The following PCNX1 variants were observed in gnomAD, a reference collection of about 807,000 sequenced individuals.
PCNX1 encodes pecanex 1.
Under a neutral mutation model 242.2 loss-of-function variants are expected in PCNX1, and 78 were observed. The observed-to-expected ratio is 0.32, with a 90% CI of 0.27 to 0.39. PCNX1 has a LOEUF of 0.39. Ranked by LOEUF, PCNX1 falls within the 10% of genes least tolerant of loss-of-function variation. PCNX1 has a pLI of 1.00. For synonymous variants in PCNX1, 1,024 were observed against 1,032.9 expected, an observed-to-expected ratio of 0.99 and a Z score of 0.17; for missense variants, 2,581 against 2,856.5, an observed-to-expected ratio of 0.90 and a Z score of 2.20.
intron 16 of PCNX1, 95 bp from the exon 17 acceptor site, chr14:71,033,334 G>C: frequency 1.6e-6 from 1 of 613,194 alleles, no homozygotes; most frequent in Non-Finnish European, 2.8e-6. Flanking sequence ...TTGAATTTAA[G>C]TTCGTTGTCT....
At chr14:70,919,636 A>G (rs1350713398) in intron 1 of PCNX1, among the ~76,000 whole-genome samples, 1 of 146,268 alleles carries the variant, frequency 6.8e-6, no homozygotes, top group Non-Finnish European at 1.5e-5. Flanking sequence ...TACTAAATCC[A>G]TATAGATGAA....
intron 32 of PCNX1, among the ~76,000 whole-genome samples, chr14:71,104,505 C>T (rs1039569493): frequency 4.6e-5 from 7 of 152,110 alleles, no homozygotes; most frequent in Admixed American, 4.6e-4. Context: ...AGTCACTCTC[C>T]ATTTTTTAAA....
intron 24 of PCNX1, among the ~76,000 whole-genome samples, chr14:71,052,580 T>G (rs2061068594): frequency 8.9e-6 from 1 of 111,806 alleles, no homozygotes; most frequent in Non-Finnish European, 1.8e-5. Context: ...TTATATTTTT[T>G]CTTTCAGTAA....
In PCNX1 at chr14:71,073,606, A is replaced by G. The variant is rs763547849; in HGVS notation, c.4914A>G (p.Gly1638=). 6 of 1,613,778 alleles carry G rather than the reference A, an allele frequency of 3.7e-6. No homozygotes were observed. The South Asian group carries it at 5.5e-5, about 15-fold the overall frequency. ...CTGAAGGTGTAGAGGAAGATGAAGG[A>G]TTTTGCTGTTGTGAACCTGGCCATA... The part of the protein sequence containing the change: ...AITEGVEEDE[G]FCCCEPGHIP... The change falls in exon 27 of 36, where the codon GGA becomes GGG. Residue 1638 remains glycine (G), a synonymous_variant. Coordinates refer to ENST00000304743, the MANE Select transcript of PCNX1 (RefSeq NM_014982.3).
At chr14:70,935,157 T>A (rs2056951169) in intron 1 of PCNX1, among the ~76,000 whole-genome samples, 6 of 152,176 alleles carry the variant, frequency 3.9e-5, no homozygotes, top group Admixed American at 3.9e-4. Flanking sequence ...GAATAGAAAA[T>A]ACAAGTATCG....
chr14:70,992,508 C>T (rs1017967495), intron 7 of PCNX1, among the ~76,000 whole-genome samples: 3 of 151,994 alleles, frequency 2.0e-5, no homozygotes, highest in Non-Finnish European at 4.4e-5. Flanking sequence ...TAATCATACT[C>T]TTAGACTTTA....
intron 33 of PCNX1, among the ~76,000 whole-genome samples, chr14:71,106,684 C>A (rs1399299895): frequency 6.6e-6 from 1 of 151,748 alleles, no homozygotes; most frequent in Non-Finnish European, 1.5e-5. Flanking sequence ...TAATTTTATT[C>A]TTTTAATTTG....
intron 27 of PCNX1, 59 bp from the exon 28 acceptor site, chr14:71,076,130 G>C: frequency 1.0e-6 from 1 of 998,942 alleles, no homozygotes; most frequent in East Asian, 2.4e-5. Context: ...TGAGTAATCT[G>C]AGTTAATTGA....
chr14:70,990,201 T>TG (rs140769746), intron 7 of PCNX1, among the ~76,000 whole-genome samples: 4,153 of 152,260 alleles, frequency 0.027, 81 homozygotes, highest in Non-Finnish European at 0.044. Context: ...TGTGCTGTGA[T>TG]TCTGGGGGCT....
chr14:70,963,037 A>C (rs528428495), intron 3 of PCNX1, among the ~76,000 whole-genome samples: 1 of 152,286 alleles, frequency 6.6e-6, no homozygotes, highest in South Asian at 2.1e-4. Flanking sequence ...CAGTCTTTTC[A>C]TTATATAGAA....
chr14:71,019,173 C>T lies in PCNX1; in HGVS notation c.3150+11C>T, dbSNP rs2060032053. On this transcript the variant is annotated intron_variant, in intron 12 of 35. Transcript: ENST00000304743. ...TACTCACTGCTTAAGGTACCAGCAT[C>T]TCTTCTTTTCATGCTACGGAATTAT... 2 of 1,587,880 alleles carry T rather than the reference C, an allele frequency of 1.3e-6. No individual in the cohort carries two copies. The highest frequency in any genetic ancestry group is 1.4e-5 in the African/African-American group (1 of 73,618).
chr14:71,103,253 A>G (rs1402772567), intron 31 of PCNX1, 142 bp from the exon 32 acceptor site: 1 of 890,414 alleles, frequency 1.1e-6, no homozygotes, highest in African/African-American at 1.7e-5. Context: ...TCCTATTTAA[A>G]TGTGACCTAC....
At chr14:70,919,924 G>T (rs192756910) in intron 1 of PCNX1, among the ~76,000 whole-genome samples, 7 of 152,096 alleles carry the variant, frequency 4.6e-5, no homozygotes, top group Admixed American at 3.3e-4. Flanking sequence ...AAAAAAAGTT[G>T]CATTCTGTAG....
At position 71,094,469 on chromosome 14, in the gene PCNX1, T is replaced by C. The variant is rs77011819; in HGVS notation, c.5589+5127T>C. Reference sequence around the variant, plus strand: ...ACTTGACTTTTAAGAAGATTCTGTTTCCAGAGAGCTGAAAATATAAAATTT... The same window carrying C: ...ACTTGACTTTTAAGAAGATTCTGTTCCCAGAGAGCTGAAAATATAAAATTT... On this transcript the variant is annotated intron_variant, in intron 30 of 35. Coordinates refer to ENST00000304743, the MANE Select transcript of PCNX1 (RefSeq NM_014982.3). Among the ~76,000 whole-genome samples, 13 of 152,364 alleles carry C rather than the reference T, an allele frequency of 8.5e-5. No homozygotes were observed. In the East Asian group the frequency reaches 2.3e-3, roughly 27 times the overall value.
chr14:70,974,166 G>A (rs993957144), intron 5 of PCNX1, among the ~76,000 whole-genome samples: 4 of 147,692 alleles, frequency 2.7e-5, no homozygotes, highest in Admixed American at 2.0e-4. Flanking sequence ...ATCACTTTTC[G>A]CATTTATAAA....
chr14:70,946,955 C>T lies in PCNX1; in HGVS notation c.194C>T (p.Pro65Leu). 5 of 1,613,492 alleles carry T rather than the reference C, an allele frequency of 3.1e-6. No individual in the cohort carries two copies. The South Asian group carries it at 3.3e-5, about 11-fold the overall frequency. Residue 65 changes from proline to leucine, a missense_variant, in exon 2 of 36, where the codon CCT becomes CTT. By Grantham distance (98) the Pro-to-Leu change is moderately conservative (BLOSUM62 -3). Coordinates refer to ENST00000304743, the MANE Select transcript of PCNX1 (RefSeq NM_014982.3). ...ATGATTATAGTAGCAGTTTATTGTC[C>T]TGTGATAGCTGCTGTTTTCATTGTT... ...STMIIVAVYC[P>L]VIAAVFIVLK...
chr14:70,976,664 C>T (rs573145326), intron 5 of PCNX1, among the ~76,000 whole-genome samples: 2 of 152,218 alleles, frequency 1.3e-5, no homozygotes, highest in South Asian at 4.1e-4. Flanking sequence ...TGAGCCACTG[C>T]GCCCGGCCCC....
rs759576432 is a variant in PCNX1, at chr14:71,088,362, G to A, written c.5370G>A (p.Val1790=). 14 of 1,610,906 alleles carry A rather than the reference G, an allele frequency of 8.7e-6. No homozygotes were observed. Among genetic ancestry groups the A allele is most frequent in the Non-Finnish European group, 1.2e-5 (14 of 1,177,562 alleles). ...ATGTGGACAAAGATTCATCCCTAGT[G>A]ACTCTCTGTTATGGACTCTGTGTTC... is the stretch of plus-strand genomic sequence containing the variant. ...PVDVDKDSSL[V]TLCYGLCVLG... Residue 1790 remains valine, a synonymous_variant, in exon 29 of 36, where the codon GTG becomes GTA. Transcript: ENST00000304743.
intron 26 of PCNX1, among the ~76,000 whole-genome samples, chr14:71,063,950 C>T (rs1421134702): frequency 6.6e-6 from 1 of 152,024 alleles, no homozygotes; most frequent in African/African-American, 2.4e-5. Context: ...CACTTTCTTT[C>T]ATGTTAATTT....
Sources: gnomAD v4.1 joint callset for allele counts (sites outside exome capture counted in the v4.1 genomes callset) on GRCh38, gnomAD v4.1.1 for gene constraint, MANE v1.5 for transcripts, NCBI Gene and HGNC (gene_info 2026-07-23, HGNC 2026-07-21) for gene names.